The following RFX8 variants were observed in gnomAD, a reference collection of about 807,000 sequenced individuals.
RFX8 encodes the protein DNA-binding protein RFX8.
In RFX8, 46 loss-of-function variants were observed where a neutral mutation model predicts 54.6. The observed-to-expected ratio is 0.84, with a 90% confidence interval of 0.67 to 1.08. The LOEUF is 1.08. Among genes scored for constraint, RFX8 ranks in the 50% least tolerant of loss-of-function variants. RFX8 has a pLI of 0.00. For missense variants in RFX8, 536 were observed against 562.3 expected, an observed-to-expected ratio of 0.95 and a Z score of 0.47; for synonymous variants, 192 against 209.5, an observed-to-expected ratio of 0.92 and a Z score of 0.72.
At chr2:101,425,280 C>T (rs1208963712) in intron 2 of RFX8, among the ~76,000 whole-genome samples, 1 of 152,180 alleles carries the variant, frequency 6.6e-6, no homozygotes, top group Non-Finnish European at 1.5e-5. Flanking sequence ...GGTGTTACTG[C>T]TGATATTCCC....
intron 2 of RFX8, among the ~76,000 whole-genome samples, chr2:101,436,113 G>A (rs75501616): frequency 0.12 from 18,952 of 152,080 alleles, 1,605 homozygotes; most frequent in African/African-American, 0.24. Flanking sequence ...AGGGAGGAGC[G>A]GGATGTGCAG....
chr2:101,422,754 A>T (rs1686938370), intron 2 of RFX8, among the ~76,000 whole-genome samples: 1 of 152,232 alleles, frequency 6.6e-6, no homozygotes, highest in Non-Finnish European at 1.5e-5. Flanking sequence ...CAAATCCTCT[A>T]TAGGAATGTA....
Position 101,410,639 on chromosome 2 carries a change from G to T in RFX8, c.793C>A (p.Leu265Ile). 6.5e-7 allele frequency: 1 copy of T among 1,536,750 alleles called. No homozygotes were observed. The highest frequency in any genetic ancestry group is 8.8e-7 in the Non-Finnish European group (1 of 1,134,998). ...CCTACCTGGAACACAAATGCTTGGA[G>T]ATGTGAAGACAGACAGCTGAGGAAT... ...RVFLSCLSSH[L>I]QAFVFQTSRS... Residue 265 changes from leucine to isoleucine, a missense_variant, in exon 9 of 12, where the codon CTC becomes ATC. Leu to Ile is a conservative substitution (Grantham distance 5, BLOSUM62 2). Transcript: ENST00000428343.
At chr2:101,423,046 T>C (rs113107799) in intron 2 of RFX8, among the ~76,000 whole-genome samples, 6,320 of 151,986 alleles carry the variant, frequency 0.042, 254 homozygotes, top group East Asian at 0.15. Flanking sequence ...TCACTTGAAG[T>C]CAGTAGTTCA....
rs1685528632 is a variant in RFX8, at chr2:101,402,875, ACC to A, written c.929-125_929-124del. 9 of 884,286 alleles carry A rather than the reference ACC, an allele frequency of 1.0e-5. No homozygotes were observed. In the South Asian group the frequency reaches 1.4e-4, roughly 14 times the overall value. 54.8% of individuals were successfully genotyped at this position (884,286 alleles called of 1,614,324 possible). On this transcript the variant is annotated intron_variant, in intron 10 of 11. Transcript: ENST00000428343. ...TACGTGAGCCTCGTTCCAATAGCTT[ACC>A]CAGAAGAGGCCTGGGTCGGCCTCTT...
chr2:101,417,433 TG>T, intron 6 of RFX8, 100 bp downstream of exon 6: 1 of 1,116,594 alleles, frequency 9.0e-7, no homozygotes, highest in East Asian at 2.7e-5. Flanking sequence ...CTCAAACTCC[TG>T]GCCTCAAGCG....
chr2:101,462,403 C>T (rs2138001), intron 2 of RFX8, among the ~76,000 whole-genome samples: 52,445 of 151,902 alleles, frequency 0.35, 9,726 homozygotes, highest in African/African-American at 0.44. Flanking sequence ...GTATTCCAGC[C>T]TAAGTGACAG....
intron 2 of RFX8, among the ~76,000 whole-genome samples, chr2:101,446,364 TG>T (rs1003890493): frequency 2.6e-4 from 39 of 151,992 alleles, no homozygotes; most frequent in Non-Finnish European, 1.2e-4. Context: ...GTGGTAGAGA[TG>T]GGGCTTCAGT....
chr2:101,437,668 T>G (rs1330550609), intron 2 of RFX8, among the ~76,000 whole-genome samples: 1 of 152,156 alleles, frequency 6.6e-6, no homozygotes, highest in Non-Finnish European at 1.5e-5. Flanking sequence ...GAGAGATCTC[T>G]TTTACACCCT....
In RFX8 at chr2:101,404,722, C is replaced by A. The variant is rs187586211; in HGVS notation, c.928+1221G>T. ...GATTACAGGTGTGAGCCACCACACCCGGCTCAGGGCTAGATTTCTTCCCAT... is the reference window on the plus strand; with the variant it reads ...GATTACAGGTGTGAGCCACCACACCAGGCTCAGGGCTAGATTTCTTCCCAT... On this transcript the variant is annotated intron_variant, in intron 10 of 11. Coordinates refer to ENST00000428343, the MANE Select transcript of RFX8 (RefSeq NM_001145664.2). 2.0e-5 allele frequency among the ~76,000 whole-genome samples: 3 copies of A among 152,250 alleles called. No individual in the cohort carries two copies. The East Asian group carries it at 5.8e-4, about 29-fold the overall frequency.
chr2:101,429,101 A>G, intron 2 of RFX8: 3 of 851,204 alleles, frequency 3.5e-6, no homozygotes, highest in Non-Finnish European at 5.7e-6. Context: ...TTTTGCAGCA[A>G]GGTTATTTGT....
chr2:101,426,729 C>T (rs940435878), intron 2 of RFX8, among the ~76,000 whole-genome samples: 1 of 152,094 alleles, frequency 6.6e-6, no homozygotes, highest in Non-Finnish European at 1.5e-5. Flanking sequence ...TAGGTGTCAG[C>T]CCCTGGGAGT....
rs987243319 is a variant in RFX8 at position 101,413,040 on chromosome 2, C to T, written c.593G>A (p.Arg198His). 70 of 1,551,992 alleles carry T rather than the reference C, an allele frequency of 4.5e-5. No individual in the cohort carries two copies. Among genetic ancestry groups the T allele is most frequent in the Admixed American group, 1.6e-4 (8 of 50,962 alleles). ...TAGATCTGACTTCAAAACGCTGACACGCCTCTTACTTTTCAATACCATTCG... is the reference window on the plus strand; with the variant it reads ...TAGATCTGACTTCAAAACGCTGACATGCCTCTTACTTTTCAATACCATTCG... The part of the protein sequence containing the change: ...TMRMVLKSKR[R>H]VSVLKSDLQA... Residue 198 changes from arginine (R) to histidine (H), a missense_variant, in exon 8 of 12, where the codon CGT (arginine) becomes CAT (histidine). Transcript: ENST00000428343.
rs568578609 is a variant in RFX8 at position 101,402,765 on chromosome 2, A to G, written c.929-13T>C. On this transcript the variant is annotated splice_polypyrimidine_tract_variant and intron_variant, in intron 10 of 11. Coordinates refer to ENST00000428343, the MANE Select transcript of RFX8 (RefSeq NM_001145664.2). Reference sequence around the variant, plus strand: ...AGATGCCAGGAGCCTACATTTAGATAATAACCAAAAATGAATACATTTGAT... The same window carrying G: ...AGATGCCAGGAGCCTACATTTAGATGATAACCAAAAATGAATACATTTGAT... 1.3e-6 allele frequency: 2 copies of G among 1,530,682 alleles called. No homozygotes were observed. Among genetic ancestry groups the G allele is most frequent in the African/African-American group, 2.8e-5 (2 of 72,456 alleles). The allele number at this position is 1,530,682 out of a possible 1,614,324, so 94.8% of individuals were successfully genotyped here. A position where few individuals can be genotyped will look rare whatever the true frequency, so the allele number is the denominator to read the frequency against.
At chr2:101,423,388 G>T (rs528198173) in intron 2 of RFX8, among the ~76,000 whole-genome samples, 2 of 152,100 alleles carry the variant, frequency 1.3e-5, no homozygotes, top group Non-Finnish European at 2.9e-5. Context: ...CTGGGCATGG[G>T]GAGGCATGAG....
chr2:101,444,748 G>T (rs1688278811), intron 2 of RFX8, among the ~76,000 whole-genome samples: 1 of 152,146 alleles, frequency 6.6e-6, no homozygotes, highest in Non-Finnish European at 1.5e-5. Flanking sequence ...TGAATACCAT[G>T]AAAAAATCAT....
chr2:101,431,904 C>T (rs888578852), intron 2 of RFX8, among the ~76,000 whole-genome samples: 5 of 152,240 alleles, frequency 3.3e-5, no homozygotes, highest in Middle Eastern at 3.4e-3. Flanking sequence ...CCTGAAGGGA[C>T]GTGCCTGCCA....
chr2:101,469,003 CGTATATATATATAGGTA>C (rs1689744047), intron 1 of RFX8, among the ~76,000 whole-genome samples: 1 of 29,166 alleles, frequency 3.4e-5, no homozygotes, highest in African/African-American at 1.1e-4. Flanking sequence ...TATATATATA[CGTATATATATATAGGTA>C]TATATATATA....
chr2:101,439,588 T>C (rs1341990189), intron 2 of RFX8, among the ~76,000 whole-genome samples: 2 of 127,754 alleles, frequency 1.6e-5, no homozygotes, highest in Admixed American at 8.3e-5. Context: ...GAAGATTAGA[T>C]TGAAGTTCAT....
Sources: allele counts gnomAD v4.1 joint callset (sites outside exome capture counted in the v4.1 genomes callset), GRCh38; gene constraint gnomAD v4.1.1; transcripts MANE v1.5; gene names NCBI Gene and HGNC (gene_info 2026-07-23, HGNC 2026-07-21).